LEPR: variants seen among roughly 807,000 people sequenced by gnomAD.
LEPR encodes the protein leptin receptor.
A neutral mutation model predicts 114.7 loss-of-function variants in LEPR; 56 were observed. The ratio of observed to expected loss-of-function variants is 0.49; its 90% CI spans 0.39 to 0.61. The LOEUF is 0.61. LEPR is among the 20% of genes least tolerant of loss of function. The pLI, the probability that LEPR is intolerant of heterozygous loss-of-function variation, is 0.00. For missense variants in LEPR, 1,202 were observed against 1,352.9 expected, an observed-to-expected ratio of 0.89 and a Z score of 1.75; for synonymous variants, 443 against 461.4, an observed-to-expected ratio of 0.96 and a Z score of 0.51.
intron 2 of LEPR, among the ~76,000 whole-genome samples, chr1:65,449,231 C>T (rs1646749702): frequency 6.7e-6 from 1 of 149,728 alleles, no homozygotes; most frequent in African/African-American, 2.5e-5. Context: ...CTTGGTTATC[C>T]TAGCTAGAGG....
At chr1:65,593,764 T>C (rs969609667) in intron 6 of LEPR, among the ~76,000 whole-genome samples, 1 of 152,098 alleles carries the variant, frequency 6.6e-6, no homozygotes, top group Non-Finnish European at 1.5e-5. Context: ...TGTAGGGATA[T>C]AGTTGTGATC....
In LEPR at chr1:65,575,734, T is replaced by C. The variant is rs549248482; in HGVS notation, c.494+3285T>C. Among the ~76,000 whole-genome samples the C allele has an allele frequency of 7.3e-5, 11 of 151,630 alleles. 1 individual carries two copies. The highest frequency in any genetic ancestry group is 2.7e-4 in the African/African-American group (11 of 40,938). On this transcript the variant is annotated intron_variant, in intron 5 of 19. Transcript: ENST00000349533. ...AAAACCATTCCATCATTAAAGGGGATTAAAAAGAGGCATAAATAAATTTGA... is the reference window on the plus strand; with the variant it reads ...AAAACCATTCCATCATTAAAGGGGACTAAAAAGAGGCATAAATAAATTTGA...
chr1:65,556,871 G>A (rs1015362538), intron 2 of LEPR, among the ~76,000 whole-genome samples: 7 of 152,126 alleles, frequency 4.6e-5, no homozygotes, highest in Admixed American at 1.3e-4. Context: ...GTAGTGCTTT[G>A]AGAAAGAGAG....
chr1:65,449,260 C>CTTTTTTT (rs201429452), intron 2 of LEPR, among the ~76,000 whole-genome samples: 4 of 118,528 alleles, frequency 3.4e-5, no homozygotes, highest in African/African-American at 6.3e-5. Context: ...TTTTATTTAT[C>CTTTTTTT]TTTTTTTTTT....
intron 2 of LEPR, among the ~76,000 whole-genome samples, chr1:65,461,002 G>A (rs1036337963): frequency 4.9e-5 from 7 of 141,776 alleles, no homozygotes; most frequent in African/African-American, 1.9e-4. Context: ...TTTTGATGGA[G>A]TCTAACTCTG....
intron 2 of LEPR, among the ~76,000 whole-genome samples, chr1:65,452,759 GC>G (rs1646805264): frequency 6.6e-6 from 1 of 151,848 alleles, no homozygotes; most frequent in African/African-American, 2.4e-5. Flanking sequence ...TTGTGTCTCT[GC>G]CCGGCTTTGG....
At chr1:65,422,807 T>G (rs947725218) in intron 1 of LEPR, among the ~76,000 whole-genome samples, 2 of 152,126 alleles carry the variant, frequency 1.3e-5, no homozygotes, top group Non-Finnish European at 2.9e-5. Context: ...TAGGAGTGAG[T>G]CAGGCGATGG....
chr1:65,487,326 T>C (rs1174328827), intron 2 of LEPR, among the ~76,000 whole-genome samples: 1 of 152,144 alleles, frequency 6.6e-6, no homozygotes, highest in Non-Finnish European at 1.5e-5. Context: ...GCTCGTAAGC[T>C]CTGAATGTGG....
chr1:65,585,500 A>G (rs979181204), intron 5 of LEPR, among the ~76,000 whole-genome samples: 2 of 152,078 alleles, frequency 1.3e-5, no homozygotes, highest in Non-Finnish European at 2.9e-5. Context: ...AAAGAATTAT[A>G]TCTCTACCTT....
At chr1:65,567,571 A>G (rs1653857434) in intron 3 of LEPR, among the ~76,000 whole-genome samples, 1 of 152,168 alleles carries the variant, frequency 6.6e-6, no homozygotes, top group Admixed American at 6.5e-5. Context: ...CTTTGGCCTC[A>G]ATTTTTGCAT....
intron 2 of LEPR, among the ~76,000 whole-genome samples, chr1:65,509,092 G>A (rs530017157): frequency 2.0e-5 from 3 of 151,958 alleles, no homozygotes; most frequent in Admixed American, 1.3e-4. Context: ...TTTTGGTTAG[G>A]TCTTCAGGAT....
rs78114644 is a variant in LEPR, at chr1:65,526,297, C to G, written c.-20-39249C>G. ...CTCAGCTTTTGTTTCCCACCTCCCC[C>G]CTTCCCTGCAAGCAAATTAAACAAC... On this transcript the variant is annotated intron_variant, in intron 2 of 19. Transcript: ENST00000349533. 4.7e-3 allele frequency: 4,583 copies of G among 985,416 alleles called. 14 individuals are homozygous for G. The highest frequency in any genetic ancestry group is 5.1e-3 in the Non-Finnish European group (4,205 of 829,914). 61.0% of individuals were successfully genotyped at this position (985,416 alleles called of 1,614,324 possible).
chr1:65,484,967 T>C (rs559721684), intron 2 of LEPR, among the ~76,000 whole-genome samples: 1 of 152,304 alleles, frequency 6.6e-6, no homozygotes, highest in Non-Finnish European at 1.5e-5. Context: ...GGAACTATCT[T>C]TCAGACAACT....
chr1:65,513,538 C>T (rs1418526501), intron 2 of LEPR, among the ~76,000 whole-genome samples: 1 of 152,140 alleles, frequency 6.6e-6, no homozygotes, highest in Admixed American at 6.5e-5. Flanking sequence ...GCAGTTTAAC[C>T]ATGAGAGTTG....
intron 2 of LEPR, among the ~76,000 whole-genome samples, chr1:65,489,632 T>C (rs1298451556): frequency 6.6e-6 from 1 of 152,114 alleles, no homozygotes; most frequent in Non-Finnish European, 1.5e-5. Context: ...GATCTCATTT[T>C]TCCATTTTCA....
chr1:65,531,961 A>AAATC (rs1650434150), intron 2 of LEPR, among the ~76,000 whole-genome samples: 1 of 152,184 alleles, frequency 6.6e-6, no homozygotes, highest in Non-Finnish European at 1.5e-5. Context: ...AATGAATGCC[A>AAATC]CACATTTTTA....
chr1:65,635,428 A>G, intron 19 of LEPR: 1 of 948,700 alleles, frequency 1.1e-6, no homozygotes, highest in Non-Finnish European at 1.3e-6. Context: ...TATGATGTAC[A>G]TTTGTCTTGT....
chr1:65,587,193 T>G (rs558162808), intron 5 of LEPR, among the ~76,000 whole-genome samples: 117 of 152,106 alleles, frequency 7.7e-4, no homozygotes, highest in Non-Finnish European at 1.5e-3. Context: ...GCAAATATTC[T>G]TGCTTTAAAA....
intron 2 of LEPR, among the ~76,000 whole-genome samples, chr1:65,484,917 G>C (rs1254589355): frequency 1.3e-5 from 2 of 152,174 alleles, no homozygotes; most frequent in African/African-American, 4.8e-5. Flanking sequence ...TCACAATACT[G>C]TATATGTTTA....
Sources: allele counts gnomAD v4.1 joint callset (sites outside exome capture counted in the v4.1 genomes callset), GRCh38; gene constraint gnomAD v4.1.1; transcripts MANE v1.5; gene names NCBI Gene and HGNC (gene_info 2026-07-23, HGNC 2026-07-21).